FBXO31: variants seen among roughly 807,000 people sequenced by gnomAD.
The protein encoded by FBXO31 is F-box protein 31.
In FBXO31, 24 loss-of-function variants were observed where a neutral mutation model predicts 54.4. The observed-to-expected ratio is 0.44, with a 90% CI of 0.32 to 0.62. FBXO31 has a LOEUF of 0.62. Ranked by LOEUF, FBXO31 falls within the 20% of genes least tolerant of loss-of-function variation. The pLI, the probability that FBXO31 is intolerant of heterozygous loss-of-function variation, is 0.05. For synonymous variants in FBXO31, 388 were observed against 335.6 expected (o/e 1.16, Z -1.71); for missense variants, 665 against 787.1 (o/e 0.84, Z 1.86).
Position 87,335,526 on chromosome 16 carries a change from C to A in FBXO31, c.843-69G>T. Reference sequence around the variant, plus strand: ...GGCAGGACTGAGAACGCCCAAGGTGCCAGGGATGAGCTTTGCAGGGCGGGG... The same window carrying A: ...GGCAGGACTGAGAACGCCCAAGGTGACAGGGATGAGCTTTGCAGGGCGGGG... On this transcript the variant is annotated intron_variant, in intron 6 of 8. Coordinates refer to ENST00000311635, the MANE Select transcript of FBXO31 (RefSeq NM_024735.5). This position sits in a 1 kb window ranked among gnomAD's most constrained non-coding sequence, Gnocchi z 5.7. The A allele has an allele frequency of 6.7e-7, 1 of 1,483,478 alleles. No homozygotes were observed. The highest frequency in any genetic ancestry group is 1.9e-5 in the Admixed American group (1 of 52,908). 91.9% of individuals were successfully genotyped at this position (1,483,478 alleles called of 1,614,324 possible). A position where few individuals can be genotyped will look rare whatever the true frequency, so the allele number is the denominator to read the frequency against.
At position 87,338,762 on chromosome 16, in the gene FBXO31, C is replaced by A. The variant is rs1308816723; in HGVS notation, c.733-2498G>T. The stretch of plus-strand genomic sequence containing the variant: ...CTGTCCAGAGCCTGGCCCCTCCAAC[C>A]TCCCTGGGCAGACAGGACTCCACTC... On this transcript the variant is annotated intron_variant, in intron 5 of 8. Coordinates refer to ENST00000311635, the MANE Select transcript of FBXO31 (RefSeq NM_024735.5). This position sits in a 1 kb window ranked among gnomAD's most constrained non-coding sequence, Gnocchi z 4.3. Among the ~76,000 whole-genome samples, 2 of 152,120 alleles carry A rather than the reference C, an allele frequency of 1.3e-5. No individual in the cohort carries two copies. The highest frequency in any genetic ancestry group is 2.9e-5 in the Non-Finnish European group (2 of 68,020).
upstream of FBXO31, among the ~76,000 whole-genome samples, chr16:87,390,458 T>G (rs76842082): frequency 6.6e-6 from 1 of 151,860 alleles, no homozygotes; most frequent in Non-Finnish European, 1.5e-5. Flanking sequence ...TTTTTTTTTT[T>G]GAGATGGAGT....
rs778909441 is a variant in FBXO31 at position 87,329,647 on chromosome 16, C to T, written c.*1641G>A. The stretch of plus-strand genomic sequence containing the variant: ...TTGTAGGCTAATGCTGCAAAAGCCG[C>T]TAGAAACTGGGGCCACACACAAGAG... On this transcript the variant is annotated 3_prime_UTR_variant, in exon 9 of 9. Transcript: ENST00000311635. The T allele has an allele frequency of 1.3e-5, 2 of 152,268 alleles. No homozygotes were observed. The highest frequency in any genetic ancestry group is 2.9e-5 in the Non-Finnish European group (2 of 68,040). 9.4% of individuals were successfully genotyped at this position (152,268 alleles called of 1,614,324 possible).
chr16:87,370,799 T>C (rs1002780559), intron 1 of FBXO31, among the ~76,000 whole-genome samples: 1 of 152,286 alleles, frequency 6.6e-6, no homozygotes, highest in South Asian at 2.1e-4. Flanking sequence ...GTTTTCCAAA[T>C]AAAACCAAAA....
At position 87,347,617 on chromosome 16, in the gene FBXO31, T is replaced by C. The variant is rs371551537; in HGVS notation, c.413-367A>G. ...ATGGCATGAACCTGGGAGGTGGAGC[T>C]TGCAGTGAGCCGAGATCACACAACT... On this transcript the variant is annotated intron_variant, in intron 2 of 8. Transcript: ENST00000311635. Among the ~76,000 whole-genome samples the C allele has an allele frequency of 6.2e-3, 916 of 146,966 alleles. 8 individuals carry two copies. The highest frequency in any genetic ancestry group is 0.022 in the African/African-American group (863 of 39,344).
rs80104349 is a variant in FBXO31 at position 87,348,711 on chromosome 16, A to G, written c.413-1461T>C. On this transcript the variant is annotated intron_variant, in intron 2 of 8. Coordinates refer to ENST00000311635, the MANE Select transcript of FBXO31 (RefSeq NM_024735.5). Reference sequence around the variant, plus strand: ...CCCAGGGCCCCTAACGGTGGGACAGAAAGTGCTGGGAGCCATCATATGAGG... The same window carrying G: ...CCCAGGGCCCCTAACGGTGGGACAGGAAGTGCTGGGAGCCATCATATGAGG... Among the ~76,000 whole-genome samples, 322 of 152,292 alleles carry G rather than the reference A, an allele frequency of 2.1e-3. 2 individuals carry two copies. Among genetic ancestry groups the G allele is most frequent in the Non-Finnish European group, 3.7e-3 (255 of 68,014 alleles).
rs1905105473 is a variant in FBXO31, at chr16:87,338,718, A to G, written c.733-2454T>C. 6.6e-6 allele frequency among the ~76,000 whole-genome samples: 1 copy of G among 152,096 alleles called. No homozygotes were observed. The highest frequency in any genetic ancestry group is 2.1e-4 in the South Asian group (1 of 4,828). ...GATGCAGGGATGCCAAAGAGACTGCATTGCCCTCGAAGCCTCCCCTGTCCA... is the reference window on the plus strand; with the variant it reads ...GATGCAGGGATGCCAAAGAGACTGCGTTGCCCTCGAAGCCTCCCCTGTCCA... On this transcript the variant is annotated intron_variant, in intron 5 of 8. Transcript: ENST00000311635. This position sits in a 1 kb window ranked among gnomAD's most constrained non-coding sequence, Gnocchi z 4.3.
intron 1 of FBXO31, among the ~76,000 whole-genome samples, chr16:87,363,772 C>T (rs959358912): frequency 6.6e-6 from 1 of 152,150 alleles, no homozygotes; most frequent in Non-Finnish European, 1.5e-5. Flanking sequence ...CTGTCTTGAG[C>T]TGTGGAGGAA....
chr16:87,353,824 C>G (rs1905774168), intron 2 of FBXO31, among the ~76,000 whole-genome samples: 1 of 152,272 alleles, frequency 6.6e-6, no homozygotes, highest in African/African-American at 2.4e-5. Context: ...GACACCTTGT[C>G]TTGAACCTCT....
intron 1 of FBXO31, among the ~76,000 whole-genome samples, chr16:87,381,793 G>C (rs914679448): frequency 8.5e-5 from 13 of 152,150 alleles, no homozygotes; most frequent in African/African-American, 2.9e-4. Flanking sequence ...GGGAGGCCGA[G>C]GCGGGTGAAT....
In FBXO31 at chr16:87,334,108, C is replaced by G; in HGVS notation, c.1175G>C (p.Arg392Pro). ...QEGGHEAGEGRGRQGPRESQP... is the reference protein window; with the variant it reads ...QEGGHEAGEGPGRQGPRESQP... Reference sequence around the variant, plus strand: ...GGACTCCCGGGGGCCCTGCCGGCCACGACCCTCGCCCGCCTCGTGCCCGCC... The same window carrying G: ...GGACTCCCGGGGGCCCTGCCGGCCAGGACCCTCGCCCGCCTCGTGCCCGCC... The change falls in exon 8 of 9, where the codon CGT becomes CCT. Residue 392 changes from arginine to proline, a missense_variant. By Grantham distance (103) the Arg-to-Pro change is moderately radical. Around this residue, in one of 4 missense-constraint regions of FBXO31, gnomAD observed 165 missense variants for 159.7 expected, o/e 1.03. Transcript: ENST00000311635. The G allele has an allele frequency of 6.2e-7, 1 of 1,610,234 alleles. No individual in the cohort carries two copies. Among genetic ancestry groups the G allele is most frequent in the African/African-American group, 1.3e-5 (1 of 74,974 alleles).
intron 3 of FBXO31, 111 bp downstream of exon 3, chr16:87,347,063 A>G (rs113949911): frequency 2.1e-6 from 2 of 958,530 alleles, no homozygotes; most frequent in African/African-American, 3.3e-5. Context: ...AATTACCTCA[A>G]ACGCACATCT....
chr16:87,383,381 G>GCCCCCCCCCCCCCCCCCCCCACCCCA lies in FBXO31; in HGVS notation c.340+23_340+24insTGGGGTGGGGGGGGGGGGGGGGGGGG. 1 of 1,417,886 alleles carries GCCCCCCCCCCCCCCCCCCCCACCCCA rather than the reference G, an allele frequency of 7.1e-7. No individual in the cohort carries two copies. The highest frequency in any genetic ancestry group is 9.6e-7 in the Non-Finnish European group (1 of 1,041,930). 87.8% of individuals were successfully genotyped at this position (1,417,886 alleles called of 1,614,324 possible). On this transcript the variant is annotated intron_variant, in intron 1 of 8. Transcript: ENST00000311635. This position sits in a 1 kb window ranked among gnomAD's most constrained non-coding sequence, Gnocchi z 4.9. The stretch of plus-strand genomic sequence containing the variant: ...TGGCAGGGACCCCCCGCCCCTCCCG[G>GCCCCCCCCCCCCCCCCCCCCACCCCA]CCCCGCCACCCCCGCGCGCTCACCC...
rs77403777 is a variant in FBXO31 at position 87,330,510 on chromosome 16, G to A, written c.*778C>T. 297 of 152,672 alleles carry A rather than the reference G, an allele frequency of 1.9e-3. 1 individual carries two copies. The highest frequency in any genetic ancestry group is 3.4e-3 in the Non-Finnish European group (233 of 68,244). 9.5% of individuals were successfully genotyped at this position (152,672 alleles called of 1,614,324 possible). On this transcript the variant is annotated 3_prime_UTR_variant, in exon 9 of 9. Transcript: ENST00000311635. ...ACAAACGCCCTGTCTGGAACAGGCC[G>A]TCGAGGACAGTCAAGTGGCTGGAAC...
In FBXO31 at chr16:87,383,701, C is replaced by T. The variant is rs1235563636; in HGVS notation, c.44G>A (p.Gly15Glu). ...ARLCGVGPSR[G>E]CRRRQQRRGP... ...CCGGCGCTGCTGGCGGCGCCGACATCCGCGCGACGGGCCCACGCCGCAAAG... is the reference window on the plus strand; with the variant it reads ...CCGGCGCTGCTGGCGGCGCCGACATTCGCGCGACGGGCCCACGCCGCAAAG... Residue 15 changes from glycine (G) to glutamate (E), a missense_variant, in exon 1 of 9, where the codon GGA becomes GAA. By Grantham distance (98) the Gly-to-Glu change is moderately conservative. This residue lies in a region of FBXO31 where 195 missense variants were observed against 174.8 expected (regional missense o/e 1.12). Coordinates refer to ENST00000311635, the MANE Select transcript of FBXO31 (RefSeq NM_024735.5). This position sits in a 1 kb window ranked among gnomAD's most constrained non-coding sequence, Gnocchi z 4.9. 2.4e-6 allele frequency: 3 copies of T among 1,267,070 alleles called. No homozygotes were observed. Among genetic ancestry groups the T allele is most frequent in the South Asian group, 2.8e-5 (1 of 36,162 alleles). The allele number at this position is 1,267,070 out of a possible 1,614,324, so 78.5% of individuals were successfully genotyped here.
upstream of FBXO31, chr16:87,383,914 C>T (rs1907217712): frequency 2.6e-6 from 1 of 379,474 alleles, no homozygotes; most frequent in Non-Finnish European, 4.0e-6. The surrounding 1 kb of genome is among the most constrained non-coding windows in gnomAD (Gnocchi z 4.9). Context: ...CCCCGCGGGG[C>T]GGCGACCTCA....
At chr16:87,378,420 T>G (rs187244989) in intron 1 of FBXO31, among the ~76,000 whole-genome samples, 2 of 152,282 alleles carry the variant, frequency 1.3e-5, no homozygotes, top group Non-Finnish European at 1.5e-5. Context: ...TCATTAAAAT[T>G]AGAGAGAACT....
At position 87,345,422 on chromosome 16, in the gene FBXO31, C is replaced by G. The variant is rs566194625; in HGVS notation, c.490-1657G>C. Among the ~76,000 whole-genome samples the G allele has an allele frequency of 2.5e-3, 382 of 152,262 alleles. 1 individual carries two copies. The highest frequency in any genetic ancestry group is 8.7e-3 in the African/African-American group (362 of 41,550). Reference sequence around the variant, plus strand: ...ATGCAGACACTGGCACCACGCAGAGCCCGCAGAGCACCACCTCCTCACCCC... The same window carrying G: ...ATGCAGACACTGGCACCACGCAGAGGCCGCAGAGCACCACCTCCTCACCCC... On this transcript the variant is annotated intron_variant, in intron 3 of 8. Transcript: ENST00000311635. This position sits in a 1 kb window ranked among gnomAD's most constrained non-coding sequence, Gnocchi z 4.9.
rs763221057 is a variant in FBXO31 at position 87,336,751 on chromosome 16, C to T, written c.733-487G>A. ...AGCCAAGGACGATGCACTGAGCCCT[C>T]GGCCAGTGACTGGGTGGATTTTCCT... On this transcript the variant is annotated intron_variant, in intron 5 of 8. Coordinates refer to ENST00000311635, the MANE Select transcript of FBXO31 (RefSeq NM_024735.5). This position sits in a 1 kb window ranked among gnomAD's most constrained non-coding sequence, Gnocchi z 6.5. Among the ~76,000 whole-genome samples, 1 of 152,154 alleles carries T rather than the reference C, an allele frequency of 6.6e-6. No individual in the cohort carries two copies. Among genetic ancestry groups the T allele is most frequent in the Non-Finnish European group, 1.5e-5 (1 of 68,016 alleles).
Sources: allele counts gnomAD v4.1 joint callset (sites outside exome capture counted in the v4.1 genomes callset), GRCh38; gene constraint gnomAD v4.1.1; regional missense constraint gnomAD v4.1.1; non-coding constraint Gnocchi (gnomAD v3.1); transcripts MANE v1.5; gene names NCBI Gene and HGNC (gene_info 2026-07-23, HGNC 2026-07-21).